CMSS1: variants seen among roughly 807,000 people sequenced by gnomAD.
CMSS1 encodes protein CMSS1.
A neutral mutation model predicts 43.5 loss-of-function variants in CMSS1; 33 were observed. The ratio of observed to expected loss-of-function variants is 0.76; its 90% CI spans 0.57 to 1.01. CMSS1 has a LOEUF of 1.01. Ranked by LOEUF, CMSS1 falls within the 50% of genes least tolerant of loss-of-function variation. The pLI, the probability that CMSS1 is intolerant of heterozygous loss-of-function variation, is 0.00. For missense variants in CMSS1, 313 were observed against 326.4 expected (o/e 0.96, Z 0.32); for synonymous variants, 115 against 117.2 (o/e 0.98, Z 0.12).
intron 1 of CMSS1, among the ~76,000 whole-genome samples, chr3:100,045,686 T>G (rs1347374337): frequency 6.6e-6 from 1 of 152,204 alleles, no homozygotes; most frequent in Non-Finnish European, 1.5e-5. Context: ...TTGAGAAATA[T>G]CTGTCTAAAT....
chr3:100,116,612 A>G (rs919182080), intron 1 of CMSS1, among the ~76,000 whole-genome samples: 5 of 152,220 alleles, frequency 3.3e-5, no homozygotes, highest in African/African-American at 1.2e-4. Context: ...ATAGGCTAGG[A>G]AACACAAACA....
chr3:100,152,397 G>T lies in CMSS1; in HGVS notation c.153+5336G>T, dbSNP rs376990852. On this transcript the variant is annotated intron_variant, in intron 2 of 9. Coordinates refer to ENST00000421999, the MANE Select transcript of CMSS1 (RefSeq NM_032359.4). ...TGGGTGTCACCTGTGATGCTTCTGGGGGTTCACTCCATTAGGCAGAAGTCA... is the reference window on the plus strand; with the variant it reads ...TGGGTGTCACCTGTGATGCTTCTGGTGGTTCACTCCATTAGGCAGAAGTCA... Among the ~76,000 whole-genome samples, 5 of 151,828 alleles carry T rather than the reference G, an allele frequency of 3.3e-5. No individual in the cohort carries two copies. In the East Asian group the frequency reaches 7.7e-4, roughly 23 times the overall value.
intron 1 of CMSS1, among the ~76,000 whole-genome samples, chr3:100,070,702 G>T (rs1224319255): frequency 6.6e-6 from 1 of 152,150 alleles, no homozygotes; most frequent in Non-Finnish European, 1.5e-5. Context: ...CGCAATCTCG[G>T]CTCACTGCAA....
intron 1 of CMSS1, among the ~76,000 whole-genome samples, chr3:99,845,472 A>C (rs777586718): frequency 6.6e-6 from 1 of 152,174 alleles, no homozygotes; most frequent in Non-Finnish European, 1.5e-5. Flanking sequence ...GGACCAAAGA[A>C]TACAACCCTC....
At chr3:100,082,387 C>G (rs2065945932) in intron 1 of CMSS1, among the ~76,000 whole-genome samples, 1 of 152,136 alleles carries the variant, frequency 6.6e-6, no homozygotes, top group Non-Finnish European at 1.5e-5. Flanking sequence ...GGAGAGAGGT[C>G]AAAATTTTTT....
intron 1 of CMSS1, among the ~76,000 whole-genome samples, chr3:99,976,335 T>A (rs1708970914): frequency 1.3e-5 from 2 of 152,202 alleles, no homozygotes; most frequent in Non-Finnish European, 2.9e-5. Flanking sequence ...AATTCATACA[T>A]AAAGAATAAA....
chr3:99,859,760 T>C (rs1238574699), intron 1 of CMSS1, among the ~76,000 whole-genome samples: 1 of 73,576 alleles, frequency 1.4e-5, no homozygotes, highest in Admixed American at 1.7e-4. Flanking sequence ...AAAGCTTCTT[T>C]ATTTGAGATA....
intron 1 of CMSS1, chr3:100,114,140 C>T (rs1414128130): frequency 6.6e-6 from 1 of 152,202 alleles, no homozygotes; most frequent in Non-Finnish European, 1.5e-5. Context: ...CCAGGACCAA[C>T]AACAACGTTT....
intron 6 of CMSS1, among the ~76,000 whole-genome samples, chr3:100,169,765 C>T (rs2067094784): frequency 6.6e-6 from 1 of 152,222 alleles, no homozygotes; most frequent in Non-Finnish European, 1.5e-5. Flanking sequence ...GTCCTGAAAT[C>T]ATGGGAATTC....
intron 1 of CMSS1, among the ~76,000 whole-genome samples, chr3:100,077,809 G>A (rs1165761214): frequency 6.6e-6 from 1 of 152,152 alleles, no homozygotes; most frequent in Non-Finnish European, 1.5e-5. Context: ...CTGGGAGGCT[G>A]AGACAGGAGG....
chr3:100,167,143 G>A (rs1349867014), intron 5 of CMSS1, among the ~76,000 whole-genome samples: 1 of 152,134 alleles, frequency 6.6e-6, no homozygotes, highest in African/African-American at 2.4e-5. Flanking sequence ...TAGATATAGG[G>A]AGTTTCCATT....
At chr3:99,965,884 C>G (rs533925383) in intron 1 of CMSS1, among the ~76,000 whole-genome samples, 148 of 152,294 alleles carry the variant, frequency 9.7e-4, no homozygotes, top group Non-Finnish European at 1.7e-3. Context: ...TGTTGTCCAG[C>G]CTGCCGCCAC....
chr3:99,899,381 A>C (rs1706364404), intron 1 of CMSS1, among the ~76,000 whole-genome samples: 3 of 152,204 alleles, frequency 2.0e-5, no homozygotes, highest in Admixed American at 2.0e-4. Context: ...TAACTAATGC[A>C]CTAGAGTTAA....
intron 1 of CMSS1, among the ~76,000 whole-genome samples, chr3:99,879,977 A>G (rs578120980): frequency 1.1e-4 from 17 of 152,224 alleles, no homozygotes; most frequent in Middle Eastern, 3.4e-3. Flanking sequence ...ACCCCACGCT[A>G]CCTTCTACCA....
At chr3:99,863,391 C>T (rs1944357237) in intron 1 of CMSS1, among the ~76,000 whole-genome samples, 1 of 152,086 alleles carries the variant, frequency 6.6e-6, no homozygotes, top group South Asian at 2.1e-4. Flanking sequence ...GTTGGGGACT[C>T]CTGTACGTGG....
In CMSS1 at chr3:100,162,384, T is replaced by C; in HGVS notation, c.307T>C (p.Tyr103His). ...CCTACAGAAGCTGATGAAGGACTAT[T>C]ATAGCAGCAGACGCTTGGTGATTGA... ...EDLQKLMKDY[Y>H]SSRRLVIELE... is the part of the protein sequence containing the mutation. Residue 103 changes from tyrosine to histidine, a missense_variant, in exon 4 of 10, where the codon TAT becomes CAT. By Grantham distance (83) the Tyr-to-His change is moderately conservative. Transcript: ENST00000421999. The C allele has an allele frequency of 1.9e-6, 3 of 1,613,606 alleles. No homozygotes were observed. Among genetic ancestry groups the C allele is most frequent in the Non-Finnish European group, 2.5e-6 (3 of 1,179,628 alleles).
intron 1 of CMSS1, among the ~76,000 whole-genome samples, chr3:100,123,862 A>G (rs1380926062): frequency 6.6e-6 from 1 of 152,218 alleles, no homozygotes; most frequent in Non-Finnish European, 1.5e-5. Flanking sequence ...AATTCATGCC[A>G]ACTTCCCAGT....
Position 99,988,717 on chromosome 3 carries a change from C to T in CMSS1, c.65-158256C>T, listed in dbSNP as rs4434174. ...ACCCTTTCTATTTGTTTCCTTTAAA[C>T]ATAAAAAAAGCATTGTCTGGATTGC... On this transcript the variant is annotated intron_variant, in intron 1 of 9. Transcript: ENST00000421999. Among the ~76,000 whole-genome samples, 761 of 152,166 alleles carry T rather than the reference C, an allele frequency of 5.0e-3. 5 individuals carry two copies. Among genetic ancestry groups the T allele is most frequent in the African/African-American group, 0.017 (716 of 41,524 alleles).
At chr3:99,954,272 G>A (rs1429532839) in intron 1 of CMSS1, among the ~76,000 whole-genome samples, 1 of 152,210 alleles carries the variant, frequency 6.6e-6, no homozygotes, top group Non-Finnish European at 1.5e-5. Flanking sequence ...TAATTCCACA[G>A]CCCAGGTTCT....
Sources: allele counts gnomAD v4.1 joint callset (sites outside exome capture counted in the v4.1 genomes callset), GRCh38; gene constraint gnomAD v4.1.1; transcripts MANE v1.5; gene names NCBI Gene and HGNC (gene_info 2026-07-23, HGNC 2026-07-21).